ATP2A3: variants seen among roughly 807,000 people sequenced by gnomAD.
ATP2A3 encodes the protein ATPase sarcoplasmic/endoplasmic reticulum Ca2+ transporting 3, also known as sarcoplasmic/endoplasmic reticulum calcium ATPase 3.
A neutral mutation model predicts 106.8 loss-of-function variants in ATP2A3; 61 were observed. The observed-to-expected ratio is 0.57, with a 90% CI of 0.46 to 0.71. The LOEUF (loss-of-function observed/expected upper bound fraction) is 0.71. ATP2A3 is among the 30% of genes least tolerant of loss of function. ATP2A3 has a pLI of 0.00. For missense variants in ATP2A3, 1,201 were observed against 1,423.5 expected (o/e 0.84, Z 2.52); for synonymous variants, 611 against 609.3 (o/e 1.00, Z -0.04).
intron 17 of ATP2A3, 147 bp downstream of exon 17, chr17:3,935,045 C>T (rs1011895883): frequency 1.4e-5 from 12 of 869,628 alleles, no homozygotes; most frequent in Admixed American, 6.1e-5. Context: ...GCTCTGAGCT[C>T]GGCTCCCCAG....
chr17:3,944,697 G>A lies in ATP2A3; in HGVS notation c.1287+7C>T, dbSNP rs745359327. 3 of 1,612,074 alleles carry A rather than the reference G, an allele frequency of 1.9e-6. No homozygotes were observed. The highest frequency in any genetic ancestry group is 1.7e-5 in the Admixed American group (1 of 59,790). ...CTAGGGAGGTCATGAAAGGGGGTGA[G>A]GCCCACCTCGTTGTAGTCCAGAGCC... On this transcript the variant is annotated splice_region_variant and intron_variant, in intron 10 of 20. Transcript: ENST00000397041.
Position 3,947,511 on chromosome 17 carries a change from G to A in ATP2A3, c.975C>T (p.Arg325=), listed in dbSNP as rs768565274. ...GCACGATGGCGTTCTTGCGTGCCAT[G>A]CGCCGCGTGCCCAGTGCCAGGCATG... is the stretch of plus-strand genomic sequence containing the variant. ...ITTCLALGTR[R]MARKNAIVRS... Residue 325 remains arginine, a synonymous_variant, in exon 8 of 21, where the codon CGC becomes CGT. Coordinates refer to ENST00000397041, the MANE Select transcript of ATP2A3 (RefSeq NM_005173.4). The surrounding 1 kb of genome is among the most constrained non-coding windows in gnomAD (Gnocchi z 7.7). The A allele has an allele frequency of 2.5e-6, 4 of 1,613,458 alleles. No homozygotes were observed. The highest frequency in any genetic ancestry group is 3.4e-6 in the Non-Finnish European group (4 of 1,179,990).
In ATP2A3 at chr17:3,929,277, G is replaced by A. The variant is rs776766129; in HGVS notation, c.2862+51C>T. ...CCAGAGAGGTCCAGTGACCAGCCCA[G>A]GGCCTGTGATGTCCAGGGACCAGGG... On this transcript the variant is annotated intron_variant, in intron 19 of 20. Transcript: ENST00000397041. The surrounding 1 kb of genome is among the most constrained non-coding windows in gnomAD (Gnocchi z 4.3). The A allele has an allele frequency of 6.7e-7, 1 of 1,484,594 alleles. No individual in the cohort carries two copies. Among genetic ancestry groups the A allele is most frequent in the Non-Finnish European group, 9.2e-7 (1 of 1,089,366 alleles). 92.0% of individuals were successfully genotyped at this position (1,484,594 alleles called of 1,614,324 possible).
At position 3,928,341 on chromosome 17, in the gene ATP2A3, G is replaced by C. The variant is rs748260534; in HGVS notation, c.2980+322C>G. 1.2e-5 allele frequency: 20 copies of C among 1,610,792 alleles called. No homozygotes were observed. The highest frequency in any genetic ancestry group is 1.7e-5 in the Non-Finnish European group (20 of 1,178,572). On this transcript the variant is annotated intron_variant, in intron 20 of 20. Transcript: ENST00000397041. This position sits in a 1 kb window ranked among gnomAD's most constrained non-coding sequence, Gnocchi z 6.1. ...GATAAAGACAGGCTGGGTGCAGAGG[G>C]GTCAGAGGCTGAGGCCCAGAAGAGC...
intron 17 of ATP2A3, among the ~76,000 whole-genome samples, chr17:3,934,191 T>G (rs571669838): frequency 6.6e-6 from 1 of 152,258 alleles, no homozygotes; most frequent in South Asian, 2.1e-4. Context: ...CCCAAAGTGC[T>G]GGGATTACAG....
In ATP2A3 at chr17:3,947,604, G is replaced by A. The variant is rs377765040; in HGVS notation, c.882C>T (p.Tyr294=). The part of the protein sequence containing the change: ...HGGSWLRGAV[Y]YFKIAVALAV... ...CCAGGGCCACGGCGATCTTGAAGTA[G>A]TAGACAGCGCCACGCAGCCAGGAGC... The change falls in exon 8 of 21, where the codon TAC becomes TAT. Residue 294 remains tyrosine, a synonymous_variant. Transcript: ENST00000397041. The surrounding 1 kb of genome is among the most constrained non-coding windows in gnomAD (Gnocchi z 7.7). The A allele has an allele frequency of 6.2e-7, 1 of 1,612,488 alleles. No individual in the cohort carries two copies. Among genetic ancestry groups the A allele is most frequent in the African/African-American group, 1.3e-5 (1 of 74,934 alleles).
chr17:3,947,576 C>T lies in ATP2A3; in HGVS notation c.910G>A (p.Val304Met). 6.2e-7 allele frequency: 1 copy of T among 1,612,846 alleles called. No homozygotes were observed. The part of the protein sequence containing the change: ...YYFKIAVALA[V>M]AAIPEGLPAV... ...GGGAGGCCCTCGGGGATGGCCGCCA[C>T]CGCCAGGGCCACGGCGATCTTGAAG... Residue 304 changes from valine (V) to methionine (M), a missense_variant, in exon 8 of 21, where the codon GTG becomes ATG. This residue lies in a region of ATP2A3 where 935 missense variants were observed against 1,176.7 expected (regional missense o/e 0.79). Coordinates refer to ENST00000397041, the MANE Select transcript of ATP2A3 (RefSeq NM_005173.4). The surrounding 1 kb of genome is among the most constrained non-coding windows in gnomAD (Gnocchi z 7.7).
chr17:3,927,460 C>T, intron 20 of ATP2A3: 13 of 984,560 alleles, frequency 1.3e-5, no homozygotes, highest in Non-Finnish European at 1.6e-5. Flanking sequence ...TCAAGGACGG[C>T]CCAGAGGCCT....
chr17:3,928,376 C>A lies in ATP2A3; in HGVS notation c.2980+287G>T. 1 of 1,556,264 alleles carries A rather than the reference C, an allele frequency of 6.4e-7. No homozygotes were observed. Among genetic ancestry groups the A allele is most frequent in the Non-Finnish European group, 8.8e-7 (1 of 1,133,280 alleles). On this transcript the variant is annotated intron_variant, in intron 20 of 20. Coordinates refer to ENST00000397041, the MANE Select transcript of ATP2A3 (RefSeq NM_005173.4). This position sits in a 1 kb window ranked among gnomAD's most constrained non-coding sequence, Gnocchi z 6.1. ...TGAGGCCCAGAAGAGCACACAGTGC[C>A]CTGGCCATGTAGGGGGTGGCAGGTG... is the stretch of plus-strand genomic sequence containing the variant.
At chr17:3,941,786 G>A (rs2053796505) in intron 12 of ATP2A3, 132 bp from the exon 13 acceptor site, 3 of 919,820 alleles carry the variant, frequency 3.3e-6, no homozygotes, top group Non-Finnish European at 5.1e-6. Flanking sequence ...AAGGCAGGGA[G>A]CAGAATCCAT....
At chr17:3,951,221 A>G in intron 5 of ATP2A3, 30 bp downstream of exon 5, 11 of 1,350,618 alleles carry the variant, frequency 8.1e-6, no homozygotes, top group Non-Finnish European at 8.6e-6. Context: ...ATAAAATAAA[A>G]TAAAATAAAA....
At chr17:3,939,263 C>T in intron 14 of ATP2A3, among the ~76,000 whole-genome samples, 1 of 152,074 alleles carries the variant, frequency 6.6e-6, no homozygotes, top group East Asian at 1.9e-4. Context: ...AACCAGGCTG[C>T]AGTGATAGTC....
At chr17:3,932,849 G>A (rs1453099755) in intron 17 of ATP2A3, among the ~76,000 whole-genome samples, 2 of 151,694 alleles carry the variant, frequency 1.3e-5, no homozygotes, top group Admixed American at 6.5e-5. Context: ...CACTGTTGTC[G>A]GGCCTCACCC....
rs566209427 is a variant in ATP2A3 at position 3,936,361 on chromosome 17, G to T, written c.2430C>A (p.Asn810Lys). ...DGLPATALGFNPPDLDIMEKL... is the reference protein window; with the variant it reads ...DGLPATALGFKPPDLDIMEKL... ...TCTCCATGATGTCCAGGTCTGGCGG[G>T]TTGAAGCCCAGAGCCGTGGCAGGTA... Residue 810 changes from asparagine (N) to lysine (K), a missense_variant, in exon 16 of 21, where the codon AAC (asparagine) becomes AAA (lysine). This residue lies in a region of ATP2A3 where 935 missense variants were observed against 1,176.7 expected (regional missense o/e 0.79). Transcript: ENST00000397041. The surrounding 1 kb of genome is among the most constrained non-coding windows in gnomAD (Gnocchi z 5.4). 1 of 1,614,036 alleles carries T rather than the reference G, an allele frequency of 6.2e-7. No individual in the cohort carries two copies. Among genetic ancestry groups the T allele is most frequent in the South Asian group, 1.1e-5 (1 of 91,086 alleles).
chr17:3,941,630 G>A lies in ATP2A3; in HGVS notation c.1570C>T (p.Arg524Cys), dbSNP rs575350371. ...VKGAPESVIE[R>C]CSSVRVGSRT... ...CTCCCCACGCGGACTGAGCTACAGC[G>A]CTCGATCACACTCTCAGGAGCCCCC... The change falls in exon 13 of 21, where the codon CGC becomes TGC. Residue 524 changes from arginine (R) to cysteine (C), a missense_variant. Coordinates refer to ENST00000397041, the MANE Select transcript of ATP2A3 (RefSeq NM_005173.4). 1.5e-5 allele frequency: 24 copies of A among 1,609,288 alleles called. No homozygotes were observed. Among genetic ancestry groups the A allele is most frequent in the Non-Finnish European group, 2.0e-5 (24 of 1,180,008 alleles).
intron 1 of ATP2A3, among the ~76,000 whole-genome samples, chr17:3,954,397 A>T (rs1597664728): frequency 7.3e-6 from 1 of 136,916 alleles, no homozygotes; most frequent in African/African-American, 2.7e-5. Flanking sequence ...CTCAGTGAAG[A>T]CCCCCCAGCC....
intron 10 of ATP2A3, 37 bp from the exon 11 acceptor site, chr17:3,943,559 G>A (rs2053909247): frequency 6.2e-7 from 1 of 1,613,120 alleles, no homozygotes; most frequent in Admixed American, 1.7e-5. Flanking sequence ...TGAGGGGCAG[G>A]CAGCCTCCAG....
chr17:3,935,047 G>T, intron 17 of ATP2A3, 145 bp downstream of exon 17: 2 of 886,890 alleles, frequency 2.3e-6, no homozygotes, highest in South Asian at 1.4e-5. Flanking sequence ...TCTGAGCTCG[G>T]CTCCCCAGGT....
chr17:3,954,124 C>T (rs1046640710), intron 1 of ATP2A3, among the ~76,000 whole-genome samples: 3 of 152,136 alleles, frequency 2.0e-5, no homozygotes, highest in African/African-American at 7.2e-5. Context: ...TAGATGGCCG[C>T]AGAGTCCTGT....
Sources: allele counts gnomAD v4.1 joint callset (sites outside exome capture counted in the v4.1 genomes callset), GRCh38; gene constraint gnomAD v4.1.1; regional missense constraint gnomAD v4.1.1; non-coding constraint Gnocchi (gnomAD v3.1); transcripts MANE v1.5; gene names NCBI Gene and HGNC (gene_info 2026-07-23, HGNC 2026-07-21).